The following NAV2 variants were observed in gnomAD, a reference collection of about 807,000 sequenced individuals.
NAV2 encodes the protein helicase, APC down-regulated 1.
NAV2 carries 54 observed loss-of-function variants against 223.2 expected under a neutral mutation model. That is an observed-to-expected ratio of 0.24 (90% confidence interval 0.19 to 0.30). The LOEUF is 0.30. NAV2 is among the 10% of genes least tolerant of loss of function. NAV2 has a pLI of 1.00. For missense variants in NAV2, 2,806 were observed against 3,147.5 expected (o/e 0.89, Z 2.60); for synonymous variants, 1,279 against 1,239.3 (o/e 1.03, Z -0.67).
chr11:19,668,346 A>T (rs1238701136), intron 1 of NAV2, among the ~76,000 whole-genome samples: 2 of 152,046 alleles, frequency 1.3e-5, no homozygotes, highest in Non-Finnish European at 2.9e-5. Flanking sequence ...AAGACCAGCC[A>T]ACATGGCGAA....
intron 1 of NAV2, among the ~76,000 whole-genome samples, chr11:19,676,879 G>A (rs1285989222): frequency 6.6e-6 from 1 of 152,204 alleles, no homozygotes; most frequent in Non-Finnish European, 1.5e-5. Flanking sequence ...GCATTTGGTT[G>A]GGTCTGGAGA....
chr11:19,372,612 C>A (rs1211920615), intron 1 of NAV2, among the ~76,000 whole-genome samples: 1 of 152,140 alleles, frequency 6.6e-6, no homozygotes, highest in African/African-American at 2.4e-5. Context: ...AGTCCCCATC[C>A]CTTTGTGCTT....
intron 1 of NAV2, among the ~76,000 whole-genome samples, chr11:19,467,329 T>C (rs1852403959): frequency 6.6e-6 from 1 of 152,232 alleles, no homozygotes; most frequent in Non-Finnish European, 1.5e-5. Context: ...AGGCTGTTTT[T>C]AGTTTCTTCA....
At chr11:19,372,573 A>C (rs1848507619) in intron 1 of NAV2, among the ~76,000 whole-genome samples, 3 of 152,192 alleles carry the variant, frequency 2.0e-5, no homozygotes, top group Admixed American at 2.0e-4. Context: ...GGGTGCTTGC[A>C]GAGGGGAGCA....
chr11:19,924,650 G>C (rs371877986), intron 6 of NAV2, among the ~76,000 whole-genome samples: 14 of 152,222 alleles, frequency 9.2e-5, no homozygotes, highest in African/African-American at 3.4e-4. Context: ...AAGTGACCCA[G>C]TAGAGAGCAA....
chr11:20,095,639 G>T, intron 29 of NAV2, 33 bp from the exon 30 acceptor site: 1 of 1,502,434 alleles, frequency 6.7e-7, no homozygotes, highest in South Asian at 1.1e-5. Flanking sequence ...AGATCCACCT[G>T]TTTTTCACCT....
chr11:19,788,247 C>A (rs2057281427), intron 1 of NAV2, among the ~76,000 whole-genome samples: 1 of 152,150 alleles, frequency 6.6e-6, no homozygotes, highest in Non-Finnish European at 1.5e-5. Context: ...TGTTTAGTAG[C>A]AACACCCAGT....
chr11:19,907,080 A>G (rs1194052397), intron 6 of NAV2, among the ~76,000 whole-genome samples: 1 of 149,918 alleles, frequency 6.7e-6, no homozygotes, highest in East Asian at 2.0e-4. Flanking sequence ...AGCACCAACC[A>G]CATAAAGTTA....
At chr11:19,776,577 G>GGGGTGTGTGTGT (rs371411356) in intron 1 of NAV2, among the ~76,000 whole-genome samples, 1 of 116,122 alleles carries the variant, frequency 8.6e-6, no homozygotes, top group South Asian at 2.8e-4. Flanking sequence ...CTGGGGCAGG[G>GGGGTGTGTGTGT]GTGTGTGTGT....
intron 1 of NAV2, among the ~76,000 whole-genome samples, chr11:19,536,980 T>C (rs1188248868): frequency 2.0e-5 from 3 of 152,222 alleles, no homozygotes; most frequent in Non-Finnish European, 2.9e-5. Flanking sequence ...GGAGTTCAGA[T>C]TGGCAATTAT....
At chr11:20,022,881 TC>T in intron 11 of NAV2, 1 of 1,377,680 alleles carries the variant, frequency 7.3e-7, no homozygotes, top group Non-Finnish European at 9.4e-7. Context: ...GCCTGACCTC[TC>T]GATCCTTCAG....
chr11:19,808,446 G>A (rs1185951974), intron 1 of NAV2, among the ~76,000 whole-genome samples: 1 of 152,198 alleles, frequency 6.6e-6, no homozygotes, highest in Non-Finnish European at 1.5e-5. Context: ...AGTTAGATTT[G>A]CATCCATGAA....
chr11:19,841,145 C>T (rs2060490948), intron 2 of NAV2, among the ~76,000 whole-genome samples: 1 of 151,928 alleles, frequency 6.6e-6, no homozygotes, highest in Admixed American at 6.6e-5. Flanking sequence ...TGGGATTTTC[C>T]CAGGTGGGTC....
intron 3 of NAV2, among the ~76,000 whole-genome samples, chr11:19,851,829 G>T (rs573402629): frequency 6.6e-6 from 1 of 152,218 alleles, no homozygotes; most frequent in Non-Finnish European, 1.5e-5. Context: ...ATGCGATTAA[G>T]GATTTTGAGA....
At position 19,868,910 on chromosome 11, in the gene NAV2, G is replaced by A. The variant is rs747808230; in HGVS notation, c.439-15G>A. The A allele has an allele frequency of 6.2e-7, 1 of 1,608,410 alleles. No individual in the cohort carries two copies. The highest frequency in any genetic ancestry group is 8.5e-7 in the Non-Finnish European group (1 of 1,176,742). Reference sequence around the variant, plus strand: ...GAACATTTATTAAGTATATATTGTTGTTTTTCCCTCCTAGATTGAAAACAT... The same window carrying A: ...GAACATTTATTAAGTATATATTGTTATTTTTCCCTCCTAGATTGAAAACAT... On this transcript the variant is annotated splice_polypyrimidine_tract_variant and intron_variant, in intron 3 of 37. Coordinates refer to ENST00000349880, the MANE Select transcript of NAV2 (RefSeq NM_145117.5).
chr11:20,106,165 ATATATATATATGTGTGTG>A lies in NAV2; in HGVS notation c.6841+450_6841+467del, dbSNP rs1273994302. On this transcript the variant is annotated intron_variant, in intron 35 of 37. Transcript: ENST00000349880. ...CATATGTGTGTGTGTGTATATATAT[ATATATATATATGTGTGTG>A]TATATATATATATATATATATATAT... is the stretch of plus-strand genomic sequence containing the variant. Among the ~76,000 whole-genome samples, 25 of 10,356 alleles carry A rather than the reference ATATATATATATGTGTGTG, an allele frequency of 2.4e-3. 1 individual carries two copies. The highest frequency in any genetic ancestry group is 2.9e-3 in the African/African-American group (24 of 8,228). 6.8% of individuals were successfully genotyped at this position (10,356 alleles called of 152,430 possible). A position where few individuals can be genotyped will look rare whatever the true frequency, so the allele number is the denominator to read the frequency against.
In NAV2 at chr11:20,120,281, A is replaced by G. The variant is rs1389896231; in HGVS notation, c.*2023A>G. On this transcript the variant is annotated 3_prime_UTR_variant, in exon 38 of 38. Transcript: ENST00000349880. ...AGTGAAAGGAAAACTTTTCAACACT[A>G]TCCCTGCTTTAGTCTCAGCAAACTC... 1 of 152,226 alleles carries G rather than the reference A, an allele frequency of 6.6e-6. No individual in the cohort carries two copies. Among genetic ancestry groups the G allele is most frequent in the Non-Finnish European group, 1.5e-5 (1 of 68,038 alleles). 9.4% of individuals were successfully genotyped at this position (152,226 alleles called of 1,614,324 possible).
At chr11:19,568,353 C>T (rs7103102) in intron 1 of NAV2, among the ~76,000 whole-genome samples, 5,295 of 152,196 alleles carry the variant, frequency 0.035, 342 homozygotes, top group African/African-American at 0.12. Flanking sequence ...AGGCTCTAGA[C>T]GTGAGAGACT....
At chr11:19,888,466 T>G (rs563889929) in intron 5 of NAV2, among the ~76,000 whole-genome samples, 1 of 152,154 alleles carries the variant, frequency 6.6e-6, no homozygotes, top group East Asian at 1.9e-4. Context: ...TTGATAGACA[T>G]TCCCATGATA....
Sources: gnomAD v4.1 joint callset for allele counts (sites outside exome capture counted in the v4.1 genomes callset) on GRCh38, gnomAD v4.1.1 for gene constraint, MANE v1.5 for transcripts, NCBI Gene and HGNC (gene_info 2026-07-23, HGNC 2026-07-21) for gene names.